Variants in PATJ observed in about 807,000 individuals in gnomAD.
The protein encoded by PATJ is PATJ crumbs cell polarity complex component, also known as inaD-like protein.
PATJ carries 190 observed loss-of-function variants against 224.9 expected under a neutral mutation model. The observed-to-expected ratio is 0.84, with a 90% confidence interval of 0.75 to 0.95. PATJ has a LOEUF of 0.95. Ranked by LOEUF, PATJ falls within the 40% of genes least tolerant of loss-of-function variation. The probability of loss-of-function intolerance (pLI) is 0.00; values close to 1 mark genes in which losing one functional copy is unlikely to be tolerated. For missense variants in PATJ, 2,121 were observed against 2,270.3 expected, an observed-to-expected ratio of 0.93 and a Z score of 1.34; for synonymous variants, 769 against 820.3, an observed-to-expected ratio of 0.94 and a Z score of 1.07.
intron 17 of PATJ, among the ~76,000 whole-genome samples, chr1:61,852,954 G>GTGAT (rs1253220989): frequency 6.6e-6 from 1 of 152,172 alleles, no homozygotes; most frequent in Non-Finnish European, 1.5e-5. Context: ...AAATGAAGCA[G>GTGAT]TGATTATACA....
chr1:62,095,701 C>T (rs1000898237), intron 33 of PATJ, among the ~76,000 whole-genome samples: 3 of 152,044 alleles, frequency 2.0e-5, no homozygotes, highest in Admixed American at 1.3e-4. Flanking sequence ...AAGTATCACC[C>T]GGGAAAAGCA....
In PATJ at chr1:62,153,442, T is replaced by A; in HGVS notation, c.5463T>A (p.His1821Gln). The change falls in exon 43 of 44, where the codon CAT becomes CAA. Residue 1821 changes from histidine to glutamine, a missense_variant. His to Gln is a conservative substitution (Grantham distance 24, BLOSUM62 0). Transcript: ENST00000642238. The part of the protein sequence containing the change: ...FSIVGGYGSP[H>Q]GDLPIYVKTV... ...TTGTAGGGGGTTATGGAAGTCCCCA[T>A]GGAGACCTGCCAATTTATGTCAAGA... The A allele has an allele frequency of 8.1e-7, 1 of 1,231,536 alleles. No homozygotes were observed. The highest frequency in any genetic ancestry group is 1.0e-6 in the Non-Finnish European group (1 of 987,406). The allele number at this position is 1,231,536 out of a possible 1,614,324, so 76.3% of individuals were successfully genotyped here. A position where few individuals can be genotyped will look rare whatever the true frequency, so the allele number is the denominator to read the frequency against.
intron 29 of PATJ, among the ~76,000 whole-genome samples, chr1:62,030,432 A>G (rs1411458288): frequency 6.7e-6 from 1 of 149,506 alleles, no homozygotes; most frequent in Non-Finnish European, 1.5e-5. Flanking sequence ...GATAGAATCC[A>G]TACCTTTGCT....
intron 14 of PATJ, among the ~76,000 whole-genome samples, chr1:61,814,482 T>G (rs1331378199): frequency 1.3e-5 from 2 of 151,700 alleles, no homozygotes; most frequent in Admixed American, 6.6e-5. Context: ...AGCTACATAT[T>G]TATGTATTTG....
chr1:61,861,088 A>G (rs2148934721), intron 18 of PATJ, among the ~76,000 whole-genome samples: 1 of 151,318 alleles, frequency 6.6e-6, no homozygotes, highest in Non-Finnish European at 1.5e-5. Context: ...TACAAGGTCT[A>G]TTCCTGGGAA....
intron 21 of PATJ, among the ~76,000 whole-genome samples, chr1:61,876,833 A>C (rs1373642125): frequency 6.6e-6 from 1 of 152,180 alleles, no homozygotes; most frequent in Non-Finnish European, 1.5e-5. Flanking sequence ...CTGTGTAAAG[A>C]GATATTCTTG....
At chr1:61,810,142 G>A (rs552358014) in intron 14 of PATJ, among the ~76,000 whole-genome samples, 118 of 151,984 alleles carry the variant, frequency 7.8e-4, no homozygotes, top group Non-Finnish European at 1.6e-3. Context: ...GAGTCACCAC[G>A]CCTGGCCAGG....
intron 18 of PATJ, among the ~76,000 whole-genome samples, chr1:61,861,235 G>A (rs1242270922): frequency 7.2e-6 from 1 of 138,892 alleles, no homozygotes; most frequent in Non-Finnish European, 1.5e-5. Flanking sequence ...TTGTCTTAAT[G>A]GAAAGATGAG....
chr1:62,143,317 G>T lies in PATJ; in HGVS notation c.5272-4967G>T, dbSNP rs529045976. On this transcript the variant is annotated intron_variant, in intron 41 of 43. Coordinates refer to ENST00000642238, the MANE Select transcript of PATJ (RefSeq NM_001350145.3). ...AAATGAGGAAAACTAGAAGAAAAGTGAATTGAAGGAGATGAATTGTTAGAT... is the reference window on the plus strand; with the variant it reads ...AAATGAGGAAAACTAGAAGAAAAGTTAATTGAAGGAGATGAATTGTTAGAT... 3.3e-5 allele frequency among the ~76,000 whole-genome samples: 5 copies of T among 152,056 alleles called. No individual in the cohort carries two copies. In the East Asian group the frequency reaches 9.7e-4, roughly 29 times the overall value.
chr1:62,036,527 A>G (rs957495387), intron 29 of PATJ, among the ~76,000 whole-genome samples: 1 of 152,152 alleles, frequency 6.6e-6, no homozygotes, highest in Admixed American at 6.5e-5. Flanking sequence ...GTGGAGATAT[A>G]AAGTAACAGT....
At chr1:61,962,611 ATTAAC>A (rs2149430978) in intron 27 of PATJ, among the ~76,000 whole-genome samples, 1 of 152,332 alleles carries the variant, frequency 6.6e-6, no homozygotes, top group South Asian at 2.1e-4. Flanking sequence ...ATTAGGGAGA[ATTAAC>A]TTGTTGACAA....
chr1:62,123,713 G>A (rs1201964617), intron 39 of PATJ, among the ~76,000 whole-genome samples: 8 of 145,684 alleles, frequency 5.5e-5, no homozygotes, highest in East Asian at 5.6e-4. Flanking sequence ...TCCTGACCTC[G>A]TGATCCACCT....
chr1:62,034,278 A>G (rs972039934), intron 29 of PATJ, among the ~76,000 whole-genome samples: 4 of 152,136 alleles, frequency 2.6e-5, no homozygotes, highest in African/African-American at 9.6e-5. Flanking sequence ...CTCCATCTCT[A>G]CTAAAAATAC....
rs536550633 is a variant in PATJ at position 61,810,227 on chromosome 1, G to A, written c.1683+1697G>A. On this transcript the variant is annotated intron_variant, in intron 14 of 43. Transcript: ENST00000642238. ...TACCTGCATCTTGAGTCACTTCATT[G>A]TTGTGACTGTGTCGGCCAACTGACC... Among the ~76,000 whole-genome samples, 4 of 152,132 alleles carry A rather than the reference G, an allele frequency of 2.6e-5. No homozygotes were observed. The East Asian group carries it at 7.7e-4, about 29-fold the overall frequency.
chr1:61,831,393 G>C (rs1483305939), intron 16 of PATJ, among the ~76,000 whole-genome samples: 1 of 151,948 alleles, frequency 6.6e-6, no homozygotes, highest in Non-Finnish European at 1.5e-5. Context: ...AGAGTAAACA[G>C]GCAACCTACA....
In PATJ at chr1:61,858,173, A is replaced by G. The variant is rs562069072; in HGVS notation, c.2322+1934A>G. Among the ~76,000 whole-genome samples the G allele has an allele frequency of 3.0e-3, 453 of 152,236 alleles. 1 individual carries two copies. Among genetic ancestry groups the G allele is most frequent in the Non-Finnish European group, 3.6e-3 (247 of 68,014 alleles). ...GGGAGGCCTCTGGGAGCTTTTACTCATGGCAGAAGACAAAGTGGGGGCAGG... is the reference window on the plus strand; with the variant it reads ...GGGAGGCCTCTGGGAGCTTTTACTCGTGGCAGAAGACAAAGTGGGGGCAGG... On this transcript the variant is annotated intron_variant, in intron 18 of 43. Coordinates refer to ENST00000642238, the MANE Select transcript of PATJ (RefSeq NM_001350145.3).
chr1:61,815,169 A>C (rs1655853028), intron 14 of PATJ, among the ~76,000 whole-genome samples: 1 of 152,214 alleles, frequency 6.6e-6, no homozygotes, highest in Non-Finnish European at 1.5e-5. Context: ...CCAGGCTTGA[A>C]GGATAAGAAT....
chr1:61,859,642 G>T (rs1417704535), intron 18 of PATJ, among the ~76,000 whole-genome samples: 2 of 151,836 alleles, frequency 1.3e-5, no homozygotes, highest in Non-Finnish European at 2.9e-5. Flanking sequence ...TTTTGAGATG[G>T]AGTTTCACTC....
rs572459822 is a variant in PATJ at position 61,821,170 on chromosome 1, G to A, written c.1684-1775G>A. ...TGCCATTCTCCTGCCTCAGCCTCCC[G>A]TGCAGCTGGGACTACAGGCGCCTGC... On this transcript the variant is annotated intron_variant, in intron 14 of 43. Transcript: ENST00000642238. 3.1e-4 allele frequency among the ~76,000 whole-genome samples: 47 copies of A among 151,666 alleles called. No individual in the cohort carries two copies. In the Middle Eastern group the frequency reaches 0.028, roughly 89 times the overall value.
Sources: gnomAD v4.1 joint callset for allele counts (sites outside exome capture counted in the v4.1 genomes callset) on GRCh38, gnomAD v4.1.1 for gene constraint, MANE v1.5 for transcripts, NCBI Gene and HGNC (gene_info 2026-07-23, HGNC 2026-07-21) for gene names.